The following CNOT1 variants were observed in gnomAD, a reference collection of about 807,000 sequenced individuals.
CNOT1 encodes the protein CCR4-NOT transcription complex subunit 1, also known as CCR4-associated factor 1.
A neutral mutation model predicts 273.8 loss-of-function variants in CNOT1; 15 were observed. The ratio of observed to expected loss-of-function variants is 0.05; its 90% CI spans 0.04 to 0.08. The LOEUF (loss-of-function observed/expected upper bound fraction) is 0.08. CNOT1 is among the 10% of genes least tolerant of loss of function. The pLI, the probability that CNOT1 is intolerant of heterozygous loss-of-function variation, is 1.00. For synonymous variants in CNOT1, 1,022 were observed against 1,005.5 expected, an observed-to-expected ratio of 1.02 and a Z score of -0.31; for missense variants, 1,644 against 2,912.2, an observed-to-expected ratio of 0.56 and a Z score of 10.02.
chr16:58,584,477 C>T (rs2041768554), intron 8 of CNOT1, among the ~76,000 whole-genome samples: 4 of 151,996 alleles, frequency 2.6e-5, no homozygotes, highest in Non-Finnish European at 5.9e-5. Flanking sequence ...ATTATAGGCA[C>T]GTGCCACCAC....
At chr16:58,582,247 G>A (rs762569451) in intron 10 of CNOT1, among the ~76,000 whole-genome samples, 2 of 152,022 alleles carry the variant, frequency 1.3e-5, no homozygotes, top group Non-Finnish European at 2.9e-5. Flanking sequence ...AGCTGTGATC[G>A]TGCCACTGCA....
intron 1 of CNOT1, among the ~76,000 whole-genome samples, chr16:58,604,667 C>A (rs1418176340): frequency 2.0e-5 from 3 of 149,418 alleles, no homozygotes; most frequent in African/African-American, 7.4e-5. Flanking sequence ...CGTGGTGGTG[C>A]CTGCCTGTAA....
chr16:58,523,221 A>G lies in CNOT1; in HGVS notation c.6917+149T>C, dbSNP rs541272536. 6.9e-6 allele frequency: 5 copies of G among 726,754 alleles called. No homozygotes were observed. The East Asian group carries it at 8.6e-5, about 12-fold the overall frequency. 45.0% of individuals were successfully genotyped at this position (726,754 alleles called of 1,614,324 possible). A position where few individuals can be genotyped will look rare whatever the true frequency, so the allele number is the denominator to read the frequency against. On this transcript the variant is annotated intron_variant, in intron 47 of 48. Coordinates refer to ENST00000317147, the MANE Select transcript of CNOT1 (RefSeq NM_016284.5). Reference sequence around the variant, plus strand: ...GATGGCGCCACTGTACTGCAGACTGAGTGACAGAGCAACACTCCGTCTCAA... The same window carrying G: ...GATGGCGCCACTGTACTGCAGACTGGGTGACAGAGCAACACTCCGTCTCAA...
chr16:58,521,302 C>T lies in CNOT1; in HGVS notation c.6933G>A (p.Arg2311=), dbSNP rs778015145. The change falls in exon 48 of 49, where the codon CGG becomes CGA. Residue 2311 remains arginine (R), a synonymous_variant. Transcript: ENST00000317147. ...AAGGATGTGGCCTATTTACAATCAA[C>T]CGTTCCAAGAGAACTCTGGAAAAAG... The part of the protein sequence containing the change: ...QEQITRVLLE[R]LIVNRPHPWG... 15 of 1,610,400 alleles carry T rather than the reference C, an allele frequency of 9.3e-6. No homozygotes were observed. Among genetic ancestry groups the T allele is most frequent in the Non-Finnish European group, 1.3e-5 (15 of 1,179,212 alleles).
chr16:58,548,655 A>C (rs778282816), intron 25 of CNOT1: 2 of 515,910 alleles, frequency 3.9e-6, no homozygotes, highest in Non-Finnish European at 7.7e-6. Context: ...CAATGACCCA[A>C]GTTATTGAGC....
chr16:58,629,269 C>G (rs533324355), intron 1 of CNOT1, among the ~76,000 whole-genome samples: 5 of 152,348 alleles, frequency 3.3e-5, no homozygotes, highest in East Asian at 1.9e-4. Flanking sequence ...ACGGTCCCCC[C>G]CGCCAGAAGC....
intron 1 of CNOT1, 26 bp from the exon 2 acceptor site, chr16:58,599,537 A>C (rs2042388807): frequency 8.5e-6 from 5 of 590,798 alleles, no homozygotes; most frequent in South Asian, 3.2e-5. Flanking sequence ...CACACACACA[A>C]ATCCAGATTT....
rs552433615 is a variant in CNOT1, at chr16:58,591,027, T to C, written c.103-2121A>G. Among the ~76,000 whole-genome samples, 4 of 152,288 alleles carry C rather than the reference T, an allele frequency of 2.6e-5. 1 individual carries two copies. In the South Asian group the frequency reaches 8.3e-4, roughly 32 times the overall value. On this transcript the variant is annotated intron_variant, in intron 2 of 48. Transcript: ENST00000317147. ...GAAAGTAAAACAGAGCTTGCTAACATTGATGCAGGCGGTTACCTCAGAGAA... is the reference window on the plus strand; with the variant it reads ...GAAAGTAAAACAGAGCTTGCTAACACTGATGCAGGCGGTTACCTCAGAGAA...
At chr16:58,606,843 A>C (rs2042698906) in intron 1 of CNOT1, among the ~76,000 whole-genome samples, 1 of 152,156 alleles carries the variant, frequency 6.6e-6, no homozygotes, top group African/African-American at 2.4e-5. Flanking sequence ...CATACATGCA[A>C]TATGACACCC....
chr16:58,568,367 T>C lies in CNOT1; in HGVS notation c.1979+6242A>G, dbSNP rs577744867. Among the ~76,000 whole-genome samples, 8 of 115,620 alleles carry C rather than the reference T, an allele frequency of 6.9e-5. No homozygotes were observed. In the South Asian group the frequency reaches 2.1e-3, roughly 30 times the overall value. 75.9% of individuals were successfully genotyped at this position (115,620 alleles called of 152,430 possible). ...TGGGCAACAAGAGCGAAACTCCATC[T>C]CAAGAAAAAAAAAAAAATCTGTAAA... On this transcript the variant is annotated intron_variant, in intron 16 of 48. Transcript: ENST00000317147.
intron 24 of CNOT1, 24 bp downstream of exon 24, chr16:58,551,108 T>TA (rs772926504): frequency 3.7e-6 from 6 of 1,602,910 alleles, no homozygotes; most frequent in Non-Finnish European, 2.5e-6. Flanking sequence ...AGAAGGCATT[T>TA]ATAAACTATG....
chr16:58,606,206 C>A (rs1426047209), intron 1 of CNOT1, among the ~76,000 whole-genome samples: 1 of 151,810 alleles, frequency 6.6e-6, no homozygotes, highest in Non-Finnish European at 1.5e-5. Context: ...AGTTCAAGAC[C>A]AGACTGAGCA....
chr16:58,583,374 C>CA (rs1416122775), intron 8 of CNOT1, among the ~76,000 whole-genome samples, 192 bp from the exon 9 acceptor site: 1 of 152,086 alleles, frequency 6.6e-6, no homozygotes, highest in African/African-American at 2.4e-5. Context: ...AAGAAAATGG[C>CA]AAAAGTCATT....
At chr16:58,589,787 G>C (rs906672702) in intron 2 of CNOT1, among the ~76,000 whole-genome samples, 11 of 152,150 alleles carry the variant, frequency 7.2e-5, no homozygotes, top group African/African-American at 2.4e-4. Context: ...TGCTGCCCTT[G>C]AGCTCAGTTT....
At position 58,539,834 on chromosome 16, in the gene CNOT1, G is replaced by C; in HGVS notation, c.4926C>G (p.Leu1642=). 1 of 1,614,172 alleles carries C rather than the reference G, an allele frequency of 6.2e-7. No individual in the cohort carries two copies. Among genetic ancestry groups the C allele is most frequent in the Non-Finnish European group, 8.5e-7 (1 of 1,180,026 alleles). Residue 1642 remains leucine, a synonymous_variant, in exon 35 of 49, where the codon CTC becomes CTG. Transcript: ENST00000317147. ...TTCGAGATAAAACTACAACCTCCAAGAGACTTCGAAGAGCCTGAGCTTGAG... is the reference window on the plus strand; with the variant it reads ...TTCGAGATAAAACTACAACCTCCAACAGACTTCGAAGAGCCTGAGCTTGAG... ...MNPQAQALRS[L]LEVVVLSRNS... is the part of the protein sequence containing the mutation.
At chr16:58,569,077 C>T (rs955077168) in intron 16 of CNOT1, among the ~76,000 whole-genome samples, 2 of 152,206 alleles carry the variant, frequency 1.3e-5, no homozygotes, top group African/African-American at 4.8e-5. Context: ...TGCTGTTGGA[C>T]TTACTAGACA....
intron 1 of CNOT1, among the ~76,000 whole-genome samples, chr16:58,621,342 C>T (rs965741190): frequency 1.9e-4 from 29 of 152,118 alleles, no homozygotes; most frequent in African/African-American, 6.7e-4. Context: ...GGTGCAATCT[C>T]GGCTCACCGC....
chr16:58,628,643 A>T (rs1160669595), intron 1 of CNOT1, among the ~76,000 whole-genome samples: 1 of 151,590 alleles, frequency 6.6e-6, no homozygotes, highest in African/African-American at 2.4e-5. Flanking sequence ...ATCGAATTGT[A>T]GAGAAATCGG....
chr16:58,525,422 G>C, intron 45 of CNOT1, 63 bp from the exon 46 acceptor site: 1 of 1,430,870 alleles, frequency 7.0e-7, no homozygotes, highest in East Asian at 2.4e-5. Context: ...TCTAGCACCA[G>C]TATTTCTAAA....
Sources: gnomAD v4.1 joint callset for allele counts (sites outside exome capture counted in the v4.1 genomes callset) on GRCh38, gnomAD v4.1.1 for gene constraint, MANE v1.5 for transcripts, NCBI Gene and HGNC (gene_info 2026-07-23, HGNC 2026-07-21) for gene names.